The following BCAS1 variants were observed in gnomAD, a reference collection of about 807,000 sequenced individuals.
The protein encoded by BCAS1 is breast carcinoma-amplified sequence 1.
Under a neutral mutation model 65.4 loss-of-function variants are expected in BCAS1, and 46 were observed. That is an observed-to-expected ratio of 0.70 (90% CI 0.55 to 0.90). The LOEUF (loss-of-function observed/expected upper bound fraction) is 0.90, where lower values mean the gene tolerates loss of function less well. Among genes scored for constraint, BCAS1 ranks in the 40% least tolerant of loss-of-function variants. The pLI is 0.00. For missense variants in BCAS1, 793 were observed against 771.2 expected (o/e 1.03, Z -0.33); for synonymous variants, 298 against 293.5 (o/e 1.02, Z -0.16).
Position 53,967,074 on chromosome 20 carries a change from C to G in BCAS1, c.1318-1G>C. ...TCTCTACTGGTGACTCACACACCACCTGGATTATTTTGCCAGGTAATAAGA... is the reference window on the plus strand; with the variant it reads ...TCTCTACTGGTGACTCACACACCACGTGGATTATTTTGCCAGGTAATAAGA... On this transcript the variant is annotated splice_acceptor_variant, in intron 9 of 12. Transcript: ENST00000688948. LOFTEE classifies it high-confidence loss of function. 1 of 1,601,218 alleles carries G rather than the reference C, an allele frequency of 6.2e-7. No homozygotes were observed. Among genetic ancestry groups the G allele is most frequent in the Non-Finnish European group, 8.5e-7 (1 of 1,175,908 alleles).
intron 3 of BCAS1, among the ~76,000 whole-genome samples, chr20:54,036,730 GT>G: frequency 6.6e-6 from 1 of 151,274 alleles, no homozygotes; most frequent in African/African-American, 2.4e-5. Context: ...AGTTATTTTT[GT>G]TATACTAATA....
At chr20:53,993,973 C>T (rs920826752) in intron 6 of BCAS1, among the ~76,000 whole-genome samples, 1 of 152,196 alleles carries the variant, frequency 6.6e-6, no homozygotes, top group Non-Finnish European at 1.5e-5. Context: ...CTTCATTCAA[C>T]CTTGGGGTCC....
At chr20:53,986,651 A>G (rs2145785605) in intron 7 of BCAS1, among the ~76,000 whole-genome samples, 1 of 152,276 alleles carries the variant, frequency 6.6e-6, no homozygotes, top group East Asian at 1.9e-4. Context: ...TAATCCCAGC[A>G]TTTTGGGAGG....
intron 4 of BCAS1, among the ~76,000 whole-genome samples, chr20:54,005,303 A>AAAAACAAAACAAAATAAAACAAAAC (rs2091158735): frequency 6.7e-6 from 1 of 148,258 alleles, no homozygotes; most frequent in Admixed American, 6.7e-5. Flanking sequence ...GAAACAAAGC[A>AAAAACAAAACAAAATAAAACAAAAC]AAAACAAAAC....
chr20:54,028,272 G>T (rs2091719483), intron 4 of BCAS1, 120 bp downstream of exon 4: 1 of 924,206 alleles, frequency 1.1e-6, no homozygotes, highest in Non-Finnish European at 1.8e-6. Context: ...TGTTCTAGAG[G>T]GGTCAACAGC....
chr20:54,021,461 T>C (rs2146037629), intron 4 of BCAS1, among the ~76,000 whole-genome samples: 1 of 123,618 alleles, frequency 8.1e-6, no homozygotes, highest in South Asian at 2.9e-4. Context: ...TACCACATTT[T>C]CTTTACCCAG....
chr20:54,000,738 AT>A (rs34949980), intron 4 of BCAS1, among the ~76,000 whole-genome samples: 28 of 151,388 alleles, frequency 1.8e-4, no homozygotes, highest in Non-Finnish European at 3.2e-4. Context: ...TAAATTCACA[AT>A]TTTTTTTTCT....
intron 8 of BCAS1, among the ~76,000 whole-genome samples, chr20:53,976,577 A>G (rs1293525828): frequency 1.3e-5 from 2 of 152,250 alleles, no homozygotes; most frequent in Non-Finnish European, 2.9e-5. Context: ...CAGAGTAAGA[A>G]ATAGAAGTTC....
intron 3 of BCAS1, among the ~76,000 whole-genome samples, chr20:54,055,258 A>T (rs1190330736): frequency 6.6e-6 from 1 of 152,238 alleles, no homozygotes; most frequent in East Asian, 1.9e-4. Flanking sequence ...GTTAAAAAAT[A>T]AAACTACTAT....
intron 12 of BCAS1, 100 bp from the exon 13 acceptor site, chr20:53,945,096 G>A: frequency 9.6e-7 from 1 of 1,044,452 alleles, no homozygotes; most frequent in Middle Eastern, 2.0e-4. Context: ...TAGGTGTTGG[G>A]CTAAATTAAT....
At chr20:54,031,174 T>C (rs1987626935) in intron 3 of BCAS1, among the ~76,000 whole-genome samples, 1 of 151,512 alleles carries the variant, frequency 6.6e-6, no homozygotes, top group Admixed American at 6.6e-5. Flanking sequence ...AAGAGTGTTA[T>C]AGCCAGAGAA....
rs1284860967 is a variant in BCAS1 at position 53,944,674 on chromosome 20, A to G, written c.*248T>C. On this transcript the variant is annotated 3_prime_UTR_variant, in exon 13 of 13. Transcript: ENST00000688948. Reference sequence around the variant, plus strand: ...TATTCCCTCCCTTTCCTGCTTGGTGATCATCGACTCTTCTGACCCAACTAG... The same window carrying G: ...TATTCCCTCCCTTTCCTGCTTGGTGGTCATCGACTCTTCTGACCCAACTAG... The G allele has an allele frequency of 1.1e-5, 5 of 473,450 alleles. No individual in the cohort carries two copies. Among genetic ancestry groups the G allele is most frequent in the African/African-American group, 7.9e-5 (4 of 50,890 alleles). 29.3% of individuals were successfully genotyped at this position (473,450 alleles called of 1,614,324 possible).
intron 4 of BCAS1, among the ~76,000 whole-genome samples, chr20:54,016,875 G>A (rs929337818): frequency 1.3e-5 from 2 of 152,088 alleles, no homozygotes; most frequent in African/African-American, 4.8e-5. Context: ...GAACCAAGCC[G>A]GGTTGGACCA....
At chr20:53,985,133 A>G (rs1836973436) in intron 8 of BCAS1, among the ~76,000 whole-genome samples, 154 bp downstream of exon 8, 1 of 152,212 alleles carries the variant, frequency 6.6e-6, no homozygotes, top group South Asian at 2.1e-4. Flanking sequence ...CTAGGAACAC[A>G]TTAGAAGGCT....
intron 1 of BCAS1, among the ~76,000 whole-genome samples, chr20:54,069,359 T>C (rs1283788900): frequency 2.0e-5 from 3 of 152,272 alleles, no homozygotes; most frequent in Admixed American, 1.3e-4. Context: ...TTCTGTAACA[T>C]GTTCATAGTT....
chr20:53,961,046 A>G (rs1487729365), intron 10 of BCAS1, among the ~76,000 whole-genome samples: 1 of 152,228 alleles, frequency 6.6e-6, no homozygotes, highest in Non-Finnish European at 1.5e-5. Flanking sequence ...TGCAGTGTTG[A>G]GATGGAATCT....
chr20:54,013,473 T>G (rs545868907), intron 4 of BCAS1, among the ~76,000 whole-genome samples: 20 of 152,354 alleles, frequency 1.3e-4, no homozygotes, highest in African/African-American at 4.8e-4. Flanking sequence ...AAGGCAATCA[T>G]GCATTGCTGT....
chr20:54,047,802 G>C (rs1229088388), intron 3 of BCAS1, among the ~76,000 whole-genome samples: 2 of 152,236 alleles, frequency 1.3e-5, no homozygotes, highest in African/African-American at 4.8e-5. Context: ...GCAGGTTTGA[G>C]CAAGTGGCTC....
intron 4 of BCAS1, among the ~76,000 whole-genome samples, chr20:54,018,512 A>AT (rs1474573227): frequency 6.9e-6 from 1 of 145,792 alleles, no homozygotes; most frequent in African/African-American, 2.6e-5. Flanking sequence ...AATTTTTTGT[A>AT]TTTTTAGTAG....
Sources: allele counts gnomAD v4.1 joint callset (sites outside exome capture counted in the v4.1 genomes callset), GRCh38; gene constraint gnomAD v4.1.1; transcripts MANE v1.5; gene names NCBI Gene and HGNC (gene_info 2026-07-23, HGNC 2026-07-21).